Variants in ST6GALNAC3 observed in about 807,000 individuals in gnomAD.
ST6GALNAC3 encodes the protein alpha-N-acetylgalactosaminide alpha-2,6-sialyltransferase 3.
A neutral mutation model predicts 32.7 loss-of-function variants in ST6GALNAC3; 25 were observed. The observed-to-expected ratio is 0.76, with a 90% CI of 0.56 to 1.07. ST6GALNAC3 has a LOEUF of 1.07. ST6GALNAC3 is among the 50% of genes least tolerant of loss of function. The pLI is 0.00. For synonymous variants in ST6GALNAC3, 129 were observed against 133.1 expected (o/e 0.97, Z 0.21); for missense variants, 355 against 382.4 (o/e 0.93, Z 0.60).
chr1:76,333,791 A>G (rs1454238555), intron 2 of ST6GALNAC3, among the ~76,000 whole-genome samples: 1 of 152,216 alleles, frequency 6.6e-6, no homozygotes, highest in Non-Finnish European at 1.5e-5. Context: ...CAAAGAAGAT[A>G]TAACATTGAT....
At chr1:76,341,678 T>TTCC (rs1648037640) in intron 2 of ST6GALNAC3, among the ~76,000 whole-genome samples, 7 of 121,194 alleles carry the variant, frequency 5.8e-5, no homozygotes, top group African/African-American at 2.2e-4. Flanking sequence ...TCTTTCTTTC[T>TTCC]TTCCTTCTTT....
intron 1 of ST6GALNAC3, among the ~76,000 whole-genome samples, chr1:76,272,678 C>T (rs1019103381): frequency 1.3e-5 from 2 of 152,162 alleles, no homozygotes; most frequent in Non-Finnish European, 2.9e-5. Context: ...TTCTCTTCAT[C>T]TCTATCATCA....
intron 3 of ST6GALNAC3, among the ~76,000 whole-genome samples, chr1:76,462,151 T>G (rs1658320537): frequency 6.6e-6 from 1 of 152,100 alleles, no homozygotes; most frequent in African/African-American, 2.4e-5. Context: ...AGAGCAATGA[T>G]GCTGTGTTGT....
chr1:76,634,844 C>T (rs1212794367), downstream of ST6GALNAC3, among the ~76,000 whole-genome samples: 6 of 90,386 alleles, frequency 6.6e-5, 1 homozygote, highest in East Asian at 6.9e-4. Context: ...GGACTACAGG[C>T]GCCCGCCACT....
intron 3 of ST6GALNAC3, among the ~76,000 whole-genome samples, chr1:76,496,954 C>T (rs1326749959): frequency 1.3e-5 from 2 of 152,172 alleles, no homozygotes; most frequent in Admixed American, 6.5e-5. Context: ...ATTCTGCCCT[C>T]TGGCTTCTTC....
At chr1:76,466,551 T>A (rs1483791975) in intron 3 of ST6GALNAC3, among the ~76,000 whole-genome samples, 1 of 152,138 alleles carries the variant, frequency 6.6e-6, no homozygotes, top group Non-Finnish European at 1.5e-5. Flanking sequence ...GGTAGCAATA[T>A]AATTGCTTTG....
At chr1:76,251,478 C>A (rs891600169) in intron 1 of ST6GALNAC3, among the ~76,000 whole-genome samples, 1 of 152,124 alleles carries the variant, frequency 6.6e-6, no homozygotes, top group Admixed American at 6.6e-5. Flanking sequence ...CTCTTTCTAG[C>A]CTTGTCTCAC....
chr1:76,342,566 G>A (rs1485959695), intron 2 of ST6GALNAC3, among the ~76,000 whole-genome samples: 2 of 146,738 alleles, frequency 1.4e-5, no homozygotes, highest in African/African-American at 5.0e-5. Context: ...TTTTTTTCTT[G>A]TAAATTTGTT....
At chr1:76,160,013 G>A (rs188660946) in intron 1 of ST6GALNAC3, among the ~76,000 whole-genome samples, 3 of 152,248 alleles carry the variant, frequency 2.0e-5, no homozygotes, top group East Asian at 3.9e-4. Context: ...TTCCAGAGAA[G>A]GTCAGAATGC....
chr1:76,101,299 A>G (rs1326431618), intron 1 of ST6GALNAC3, among the ~76,000 whole-genome samples: 1 of 152,138 alleles, frequency 6.6e-6, no homozygotes, highest in Non-Finnish European at 1.5e-5. Context: ...ACTTACTAAT[A>G]TGCATTTAAG....
At chr1:76,129,122 C>T (rs1231764970) in intron 1 of ST6GALNAC3, among the ~76,000 whole-genome samples, 1 of 152,202 alleles carries the variant, frequency 6.6e-6, no homozygotes, top group East Asian at 1.9e-4. Flanking sequence ...CATCACCCAC[C>T]TGTACAGGGG....
At chr1:76,580,478 A>G (rs2100544298) in intron 3 of ST6GALNAC3, among the ~76,000 whole-genome samples, 1 of 152,270 alleles carries the variant, frequency 6.6e-6, no homozygotes, top group African/African-American at 2.4e-5. Flanking sequence ...TGAGAAACAC[A>G]AAAGTGCCAG....
At chr1:76,479,601 A>C (rs1338378429) in intron 3 of ST6GALNAC3, among the ~76,000 whole-genome samples, 1 of 152,150 alleles carries the variant, frequency 6.6e-6, no homozygotes, top group African/African-American at 2.4e-5. Flanking sequence ...AAGGGGGCCA[A>C]ACTCATCCTT....
chr1:76,555,968 A>G (rs1477190736), intron 3 of ST6GALNAC3, among the ~76,000 whole-genome samples: 1 of 152,020 alleles, frequency 6.6e-6, no homozygotes, highest in Non-Finnish European at 1.5e-5. Context: ...CCATCACTGC[A>G]ACCAATTTTA....
At chr1:76,114,068 G>T (rs1052661612) in intron 1 of ST6GALNAC3, among the ~76,000 whole-genome samples, 1 of 145,168 alleles carries the variant, frequency 6.9e-6, no homozygotes, top group Non-Finnish European at 1.5e-5. Flanking sequence ...GTCTTGAACT[G>T]CTGACTTCAG....
chr1:76,311,654 C>T (rs1646765925), intron 1 of ST6GALNAC3, among the ~76,000 whole-genome samples: 2 of 152,218 alleles, frequency 1.3e-5, no homozygotes, highest in South Asian at 4.1e-4. Flanking sequence ...TGTGTATGTG[C>T]CACATTTTCT....
At chr1:76,173,605 C>G (rs1483996671) in intron 1 of ST6GALNAC3, among the ~76,000 whole-genome samples, 1 of 152,144 alleles carries the variant, frequency 6.6e-6, no homozygotes, top group Non-Finnish European at 1.5e-5. Context: ...GGTCTAATAT[C>G]CAGAATCTAC....
At chr1:76,173,418 G>A (rs1229376663) in intron 1 of ST6GALNAC3, among the ~76,000 whole-genome samples, 1 of 152,202 alleles carries the variant, frequency 6.6e-6, no homozygotes. Context: ...TCAGGACATA[G>A]GCATGGGCAA....
intron 3 of ST6GALNAC3, among the ~76,000 whole-genome samples, chr1:76,444,980 T>C (rs1656870812): frequency 6.6e-6 from 1 of 152,214 alleles, no homozygotes; most frequent in African/African-American, 2.4e-5. Flanking sequence ...CAGCTGCTGA[T>C]TTGTCTGAAA....
Sources: gnomAD v4.1 joint callset for allele counts (sites outside exome capture counted in the v4.1 genomes callset) on GRCh38, gnomAD v4.1.1 for gene constraint, MANE v1.5 for transcripts, NCBI Gene and HGNC (gene_info 2026-07-23, HGNC 2026-07-21) for gene names.